The following TRPM3 variants were observed in gnomAD, a reference collection of about 807,000 sequenced individuals.
TRPM3 encodes long transient receptor potential channel 3.
Under a neutral mutation model 181.2 loss-of-function variants are expected in TRPM3, and 77 were observed. The observed-to-expected ratio is 0.42, with a 90% CI of 0.35 to 0.51. The LOEUF (loss-of-function observed/expected upper bound fraction) is 0.51. Among genes scored for constraint, TRPM3 ranks in the 20% least tolerant of loss-of-function variants. The probability of loss-of-function intolerance (pLI) is 0.01; values close to 1 mark genes in which losing one functional copy is unlikely to be tolerated. For missense variants in TRPM3, 1,759 were observed against 2,196.7 expected, an observed-to-expected ratio of 0.80 and a Z score of 3.98; for synonymous variants, 745 against 796.4, an observed-to-expected ratio of 0.94 and a Z score of 1.09.
intron 1 of TRPM3, among the ~76,000 whole-genome samples, chr9:70,869,469 C>G (rs2095740671): frequency 6.6e-6 from 1 of 151,550 alleles, no homozygotes; most frequent in Non-Finnish European, 1.5e-5. Flanking sequence ...TATGAATGAT[C>G]CTAGTGGTTG....
chr9:71,297,290 T>C (rs2086367480), intron 1 of TRPM3, among the ~76,000 whole-genome samples: 1 of 152,178 alleles, frequency 6.6e-6, no homozygotes, highest in Non-Finnish European at 1.5e-5. Context: ...GAACTCACGA[T>C]ATGCTGGGCC....
chr9:71,313,772 G>A (rs1299481922), intron 1 of TRPM3, among the ~76,000 whole-genome samples: 1 of 152,002 alleles, frequency 6.6e-6, no homozygotes, highest in Non-Finnish European at 1.5e-5. Context: ...TTTCCTCATT[G>A]GTCACTTGAA....
chr9:71,374,012 G>A lies in TRPM3; in HGVS notation c.183+72641C>T, dbSNP rs1028260516. ...GATTCATCACATAAACAGAACTAAA[G>A]ACAAAAAGCACGATAATCTCTACAG... On this transcript the variant is annotated intron_variant, in intron 1 of 24. Transcript: ENST00000357533. 2.6e-5 allele frequency among the ~76,000 whole-genome samples: 4 copies of A among 152,146 alleles called. No individual in the cohort carries two copies. In the East Asian group the frequency reaches 7.7e-4, roughly 29 times the overall value.
chr9:70,545,578 G>T (rs1347128094), intron 25 of TRPM3, among the ~76,000 whole-genome samples: 1 of 120,232 alleles, frequency 8.3e-6, no homozygotes, highest in South Asian at 2.7e-4. Flanking sequence ...GTGGAGTCTC[G>T]CTCTGTCGTC....
intron 1 of TRPM3, among the ~76,000 whole-genome samples, chr9:71,002,133 A>G (rs992092456): frequency 2.0e-5 from 3 of 152,092 alleles, no homozygotes; most frequent in Non-Finnish European, 2.9e-5. Context: ...TTAGTTCTCA[A>G]ATTTGCCATA....
intron 9 of TRPM3, among the ~76,000 whole-genome samples, chr9:70,661,105 CCAGGAATG>C (rs1281038915): frequency 2.0e-5 from 3 of 151,010 alleles, no homozygotes; most frequent in African/African-American, 7.3e-5. Context: ...TGGTTTCATA[CCAGGAATG>C]CAGGAATGGT....
chr9:71,316,876 T>G (rs1378278867), intron 1 of TRPM3, among the ~76,000 whole-genome samples: 1 of 152,062 alleles, frequency 6.6e-6, no homozygotes, highest in African/African-American at 2.4e-5. Context: ...AGAAAAAAAA[T>G]CCTGTGGGCC....
intron 1 of TRPM3, 104 bp downstream of exon 1, chr9:71,121,074 G>T: frequency 9.0e-7 from 1 of 1,113,750 alleles, no homozygotes; most frequent in Non-Finnish European, 1.3e-6. Context: ...AGTACTGCAT[G>T]CATTTAGGCT....
intron 1 of TRPM3, among the ~76,000 whole-genome samples, chr9:70,941,439 T>G (rs994329102): frequency 2.0e-5 from 3 of 152,216 alleles, no homozygotes; most frequent in Non-Finnish European, 4.4e-5. Context: ...GCTTTTCTAC[T>G]TTTGAGGTTT....
intron 1 of TRPM3, among the ~76,000 whole-genome samples, chr9:71,015,924 C>T (rs941973365): frequency 1.3e-5 from 2 of 151,886 alleles, no homozygotes; most frequent in Non-Finnish European, 2.9e-5. Flanking sequence ...AGGCCGGGCA[C>T]GGTGGCTTAC....
chr9:70,991,539 G>T (rs1217389204), intron 1 of TRPM3, among the ~76,000 whole-genome samples: 2 of 138,776 alleles, frequency 1.4e-5, no homozygotes, highest in East Asian at 2.3e-4. Context: ...GGTCTCCTTT[G>T]AAATACTATG....
chr9:71,352,097 G>A (rs1229271060), intron 1 of TRPM3, among the ~76,000 whole-genome samples: 4 of 151,944 alleles, frequency 2.6e-5, no homozygotes, highest in Non-Finnish European at 5.9e-5. Flanking sequence ...GGATGGTCTC[G>A]ATCTCCTGAC....
intron 1 of TRPM3, among the ~76,000 whole-genome samples, chr9:71,172,255 G>A (rs1366829892): frequency 1.3e-5 from 2 of 152,074 alleles, no homozygotes; most frequent in African/African-American, 4.8e-5. Flanking sequence ...TCTTGAAACT[G>A]TAGAATTTAG....
chr9:70,563,316 A>T (rs1029947130), intron 22 of TRPM3, among the ~76,000 whole-genome samples: 2 of 152,294 alleles, frequency 1.3e-5, no homozygotes, highest in Non-Finnish European at 2.9e-5. Flanking sequence ...TCTGAGCTCA[A>T]TACGTGCTTA....
chr9:70,982,543 CT>C (rs1316003893), intron 1 of TRPM3, among the ~76,000 whole-genome samples: 1 of 152,204 alleles, frequency 6.6e-6, no homozygotes, highest in Non-Finnish European at 1.5e-5. Context: ...TATGAATCAT[CT>C]AACACCTTTC....
At chr9:71,209,421 T>C (rs1171533732) in intron 1 of TRPM3, among the ~76,000 whole-genome samples, 1 of 126,642 alleles carries the variant, frequency 7.9e-6, no homozygotes, top group Non-Finnish European at 1.7e-5. Flanking sequence ...AGAGAGAGAC[T>C]GACTTCTTTT....
At chr9:71,328,412 C>T (rs1052512228) in intron 1 of TRPM3, among the ~76,000 whole-genome samples, 1 of 152,122 alleles carries the variant, frequency 6.6e-6, no homozygotes, top group African/African-American at 2.4e-5. Context: ...GTGATCTGCC[C>T]GCCTCGGCCT....
chr9:70,601,808 G>A (rs2060031908), intron 20 of TRPM3, among the ~76,000 whole-genome samples: 1 of 152,172 alleles, frequency 6.6e-6, no homozygotes, highest in African/African-American at 2.4e-5. Context: ...TCTTCTCCCA[G>A]TCTGGTCCCT....
chr9:70,970,917 T>C (rs936164166), intron 1 of TRPM3, among the ~76,000 whole-genome samples: 2 of 152,186 alleles, frequency 1.3e-5, no homozygotes, highest in Admixed American at 6.5e-5. Context: ...ACATTCAGAA[T>C]GAACAAGTAA....
Sources: gnomAD v4.1 joint callset for allele counts (sites outside exome capture counted in the v4.1 genomes callset) on GRCh38, gnomAD v4.1.1 for gene constraint, MANE v1.5 for transcripts, NCBI Gene and HGNC (gene_info 2026-07-23, HGNC 2026-07-21) for gene names.